Variants in HNRNPL observed in about 807,000 individuals in gnomAD.
The protein encoded by HNRNPL is heterogeneous nuclear ribonucleoprotein L.
In HNRNPL, 12 loss-of-function variants were observed where a neutral mutation model predicts 64.0. The observed-to-expected ratio is 0.19, with a 90% CI of 0.12 to 0.30. The LOEUF (loss-of-function observed/expected upper bound fraction) is 0.30. Ranked by LOEUF, HNRNPL falls within the 10% of genes least tolerant of loss-of-function variation. The probability of loss-of-function intolerance (pLI) is 1.00; values close to 1 mark genes in which losing one functional copy is unlikely to be tolerated. For synonymous variants in HNRNPL, 385 were observed against 313.0 expected (o/e 1.23, Z -2.43); for missense variants, 484 against 797.4 (o/e 0.61, Z 4.73).
intron 6 of HNRNPL, chr19:38,841,122 G>C (rs1376676422): frequency 4.8e-6 from 1 of 207,772 alleles, no homozygotes; most frequent in Non-Finnish European, 9.8e-6. Context: ...TGACAAGCAG[G>C]GCAACAGCAG....
In HNRNPL at chr19:38,845,898, A is replaced by G; in HGVS notation, c.579T>C (p.Ser193=). The G allele has an allele frequency of 3.1e-6, 5 of 1,614,180 alleles. No individual in the cohort carries two copies. Among genetic ancestry groups the G allele is most frequent in the Non-Finnish European group, 4.2e-6 (5 of 1,180,024 alleles). The part of the protein sequence containing the change: ...GDSDDSRSVN[S]VLLFTILNPI... ...GGTTCAGGATGGTAAAGAGAAGCAC[A>G]CTGTTCACGCTCCGGGAGTCATCCG... The change falls in exon 3 of 13, where the codon AGT becomes AGC. Residue 193 remains serine, a synonymous_variant. Coordinates refer to ENST00000221419, the MANE Select transcript of HNRNPL (RefSeq NM_001533.3).
At chr19:38,849,278 C>G (rs575774133) in intron 1 of HNRNPL, 38 of 193,492 alleles carry the variant, frequency 2.0e-4, no homozygotes, top group Middle Eastern at 1.9e-3. Flanking sequence ...CTCTAGAGAA[C>G]AAGGCCGCCG....
At chr19:38,849,617 C>T (rs1051484818) in intron 1 of HNRNPL, 83 bp downstream of exon 1, 2 of 1,290,912 alleles carry the variant, frequency 1.5e-6, no homozygotes, top group African/African-American at 1.5e-5. Flanking sequence ...CGCAGAGGCC[C>T]CCCTCAAAAA....
chr19:38,841,224 C>T (rs1031900256), intron 6 of HNRNPL: 1 of 274,496 alleles, frequency 3.6e-6, no homozygotes, highest in African/African-American at 2.2e-5. Flanking sequence ...AGTTCGTAAT[C>T]ACTGCCTTTA....
At chr19:38,839,690 C>G (rs1004649252) in intron 8 of HNRNPL, 1 of 202,132 alleles carries the variant, frequency 4.9e-6, no homozygotes, top group Non-Finnish European at 1.0e-5. Flanking sequence ...CGCCTGGTCT[C>G]AGGTAGACAC....
Position 38,845,853 on chromosome 19 carries a change from C to A in HNRNPL, c.624G>T (p.Thr208=). The stretch of plus-strand genomic sequence containing the variant: ...ACAAGAAATGCCTGCTGGCACGTAC[C>A]GTGGTGATCGAATAAATGGGGTTCA... ...TILNPIYSIT[T]DVLYTICNPC... is the part of the protein sequence containing the mutation. Residue 208 remains threonine (T), a splice_region_variant and synonymous_variant, in exon 3 of 13, where the codon ACG becomes ACT. Coordinates refer to ENST00000221419, the MANE Select transcript of HNRNPL (RefSeq NM_001533.3). 1 of 1,612,990 alleles carries A rather than the reference C, an allele frequency of 6.2e-7. No homozygotes were observed. Among genetic ancestry groups the A allele is most frequent in the Non-Finnish European group, 8.5e-7 (1 of 1,178,942 alleles).
intron 1 of HNRNPL, chr19:38,849,399 G>T (rs562105817): frequency 1.2e-5 from 4 of 346,536 alleles, no homozygotes; most frequent in African/African-American, 2.1e-5. Flanking sequence ...GAAAAAAACC[G>T]GCCGGGCCGC....
chr19:38,840,820 C>G (rs1170846991), intron 6 of HNRNPL: 1 of 497,752 alleles, frequency 2.0e-6, no homozygotes, highest in African/African-American at 2.0e-5. Context: ...ATTCTGTGCT[C>G]TCACCTACCC....
chr19:38,840,074 AG>A, intron 8 of HNRNPL, 21 bp downstream of exon 8: 1 of 1,612,220 alleles, frequency 6.2e-7, no homozygotes, highest in Non-Finnish European at 8.5e-7. Context: ...CGAGGAACCC[AG>A]GGGGCCCGGC....
At chr19:38,837,571 G>A (rs1971970903) in intron 11 of HNRNPL, 23 bp downstream of exon 11, 10 of 1,613,930 alleles carry the variant, frequency 6.2e-6, no homozygotes, top group Non-Finnish European at 7.6e-6. Context: ...ATTAGGGCAA[G>A]GAGGTGGGCA....
rs1191673748 is a variant in HNRNPL, at chr19:38,843,921, G to A, written c.808-7C>T. The A allele has an allele frequency of 3.7e-6, 6 of 1,613,896 alleles. No homozygotes were observed. In the East Asian group the frequency reaches 6.7e-5, roughly 18 times the overall value. ...ACACATTCAAGCGTGTAGGCTGCAA[G>A]GACAGGACAAGACAAGACTTGAGGT... On this transcript the variant is annotated splice_region_variant and splice_polypyrimidine_tract_variant and intron_variant, in intron 5 of 12. Transcript: ENST00000221419.
chr19:38,846,160 T>C lies in HNRNPL; in HGVS notation c.387-70A>G, dbSNP rs1161535385. The C allele has an allele frequency of 9.3e-6, 11 of 1,186,038 alleles. No homozygotes were observed. In the African/African-American group the frequency reaches 1.2e-4, roughly 13 times the overall value. 73.5% of individuals were successfully genotyped at this position (1,186,038 alleles called of 1,614,324 possible). ...ACAGGAGGAGGGTATCATTTGATTT[T>C]TTGAGAACTGACTCCTCCATGGCCT... On this transcript the variant is annotated intron_variant, in intron 2 of 12. Transcript: ENST00000221419.
intron 12 of HNRNPL, 102 bp downstream of exon 12, chr19:38,837,282 T>A: frequency 1.1e-6 from 1 of 880,124 alleles, no homozygotes. Flanking sequence ...AGTGCGAAGA[T>A]CCCGGGGTCC....
At chr19:38,840,006 C>T in intron 8 of HNRNPL, 90 bp downstream of exon 8, 1 of 1,304,368 alleles carries the variant, frequency 7.7e-7, no homozygotes, top group Non-Finnish European at 1.1e-6. Context: ...CCGCCCAGCG[C>T]CACACCAGGC....
At chr19:38,850,021 C>T (rs1366162411), upstream of HNRNPL, 74 of 1,299,630 alleles carry the variant, frequency 5.7e-5, no homozygotes, top group Non-Finnish European at 7.3e-5. Context: ...ACACGCCCGT[C>T]ACCCGCCGCC....
chr19:38,847,470 G>T, intron 1 of HNRNPL, 36 bp from the exon 2 acceptor site: 1 of 1,352,394 alleles, frequency 7.4e-7, no homozygotes, highest in African/African-American at 1.5e-5. Flanking sequence ...TTATTTTCTT[G>T]CTGTACAAGA....
At chr19:38,844,792 A>C (rs1358420552) in intron 4 of HNRNPL, 1 of 151,100 alleles carries the variant, frequency 6.6e-6, no homozygotes, top group African/African-American at 2.4e-5. Flanking sequence ...GCTCACTGCA[A>C]TCTCCGCCTC....
chr19:38,851,502 G>C (rs1405742702), upstream of HNRNPL, among the ~76,000 whole-genome samples: 3 of 152,244 alleles, frequency 2.0e-5, no homozygotes. Context: ...AAATAAAAGC[G>C]AAGCTAGCGT....
chr19:38,840,063 G>A, intron 8 of HNRNPL, 33 bp downstream of exon 8: 3 of 1,610,276 alleles, frequency 1.9e-6, no homozygotes, highest in Non-Finnish European at 2.5e-6. Context: ...ACGAGGCTCA[G>A]CGAGGAACCC....
Sources: allele counts gnomAD v4.1 joint callset (sites outside exome capture counted in the v4.1 genomes callset), GRCh38; gene constraint gnomAD v4.1.1; transcripts MANE v1.5; gene names NCBI Gene and HGNC (gene_info 2026-07-23, HGNC 2026-07-21).